The following LIN28B variants were observed in gnomAD, a reference collection of about 807,000 sequenced individuals.
LIN28B encodes the protein protein lin-28 homolog B.
LIN28B carries 5 observed loss-of-function variants against 21.9 expected under a neutral mutation model. The ratio of observed to expected loss-of-function variants is 0.23; its 90% CI spans 0.12 to 0.48. LIN28B has a LOEUF of 0.48. Ranked by LOEUF, LIN28B falls within the 20% of genes least tolerant of loss-of-function variation. The pLI is 0.98. For synonymous variants in LIN28B, 109 were observed against 111.3 expected, an observed-to-expected ratio of 0.98 and a Z score of 0.13; for missense variants, 245 against 310.5, an observed-to-expected ratio of 0.79 and a Z score of 1.58.
chr6:105,045,230 A>G (rs2114372950), intron 3 of LIN28B, among the ~76,000 whole-genome samples: 1 of 151,332 alleles, frequency 6.6e-6, no homozygotes, highest in East Asian at 1.9e-4. Flanking sequence ...ATATTTAATA[A>G]TAATAACTAT....
rs1554188156 is a variant in LIN28B at position 105,023,226 on chromosome 6, T to TAA, written c.199-3071_199-3070dup. Among the ~76,000 whole-genome samples, 666 of 96,396 alleles carry TAA rather than the reference T, an allele frequency of 6.9e-3. 21 individuals carry two copies. The highest frequency in any genetic ancestry group is 0.027 in the African/African-American group (637 of 23,610). 63.2% of individuals were successfully genotyped at this position (96,396 alleles called of 152,430 possible). A position where few individuals can be genotyped will look rare whatever the true frequency, so the allele number is the denominator to read the frequency against. On this transcript the variant is annotated intron_variant, in intron 2 of 3. Coordinates refer to ENST00000345080, the MANE Select transcript of LIN28B (RefSeq NM_001004317.4). ...TTTCTTATGGATATATATATATATA[T>TAA]AATATATATTATATTATATATTATT...
chr6:105,009,111 A>C (rs1030048209), intron 2 of LIN28B, among the ~76,000 whole-genome samples: 4 of 152,176 alleles, frequency 2.6e-5, no homozygotes, highest in Non-Finnish European at 4.4e-5. Context: ...TTAATGATTG[A>C]GAAATACAGA....
At chr6:105,041,208 A>G (rs1228719829) in intron 3 of LIN28B, among the ~76,000 whole-genome samples, 1 of 152,056 alleles carries the variant, frequency 6.6e-6, no homozygotes, top group African/African-American at 2.4e-5. Flanking sequence ...CACCACACCT[A>G]GCCTGCAATT....
rs553541584 is a variant in LIN28B at position 105,059,560 on chromosome 6, G to A, written c.384-18854G>A. Among the ~76,000 whole-genome samples, 119 of 152,158 alleles carry A rather than the reference G, an allele frequency of 7.8e-4. 1 individual carries two copies. The highest frequency in any genetic ancestry group is 2.9e-3 in the Admixed American group (45 of 15,280). On this transcript the variant is annotated intron_variant, in intron 3 of 3. Coordinates refer to ENST00000345080, the MANE Select transcript of LIN28B (RefSeq NM_001004317.4). ...ACTATTTTATTGAAAAATCATTATA[G>A]TGGTAAGTGAAGCTTAGTAAGATTT...
chr6:105,063,585 G>T (rs990130088), intron 3 of LIN28B, among the ~76,000 whole-genome samples: 4 of 145,700 alleles, frequency 2.7e-5, no homozygotes, highest in Non-Finnish European at 1.5e-5. Context: ...GCAGTGAGCC[G>T]AGATTGCGCC....
At chr6:105,008,690 G>C (rs1041941799) in intron 2 of LIN28B, among the ~76,000 whole-genome samples, 18 of 150,032 alleles carry the variant, frequency 1.2e-4, no homozygotes, top group Admixed American at 4.0e-4. Flanking sequence ...CATAATGTTT[G>C]CTTGCTGTTG....
chr6:104,973,951 A>AT (rs1221496260), intron 2 of LIN28B, among the ~76,000 whole-genome samples: 2 of 152,206 alleles, frequency 1.3e-5, no homozygotes, highest in African/African-American at 4.8e-5. Flanking sequence ...ACTTATTGAT[A>AT]TTACCTGAAT....
chr6:104,965,355 G>A (rs1320669112), intron 2 of LIN28B, among the ~76,000 whole-genome samples: 6 of 151,990 alleles, frequency 3.9e-5, no homozygotes, highest in African/African-American at 7.2e-5. Flanking sequence ...GCAAAACTCC[G>A]TCCCTACCAA....
intron 2 of LIN28B, among the ~76,000 whole-genome samples, chr6:105,009,551 T>C (rs1338755776): frequency 6.6e-6 from 1 of 152,152 alleles, no homozygotes; most frequent in Non-Finnish European, 1.5e-5. Context: ...TCCTAATTTT[T>C]CTCAGCTCTA....
chr6:105,057,332 A>G (rs1270066507), intron 3 of LIN28B, among the ~76,000 whole-genome samples: 1 of 152,212 alleles, frequency 6.6e-6, no homozygotes, highest in Non-Finnish European at 1.5e-5. Flanking sequence ...TTGAATTAAA[A>G]TATATGTGGC....
intron 2 of LIN28B, among the ~76,000 whole-genome samples, chr6:104,984,210 A>C (rs906916494): frequency 1.3e-5 from 2 of 152,250 alleles, no homozygotes; most frequent in African/African-American, 4.8e-5. Flanking sequence ...GCGTTTAAAA[A>C]AATAGGTGAT....
chr6:104,941,571 G>A (rs1417876408), intron 2 of LIN28B: 5 of 150,256 alleles, frequency 3.3e-5, no homozygotes, highest in Non-Finnish European at 6.0e-5. Context: ...GACGCACGGG[G>A]CCGCGCCGCC....
At chr6:104,952,543 T>A (rs191662172), upstream of LIN28B, among the ~76,000 whole-genome samples, 256 of 152,286 alleles carry the variant, frequency 1.7e-3, 1 homozygote, top group Non-Finnish European at 2.4e-3. Context: ...GTATAATTTT[T>A]AAAAAAAGTT....
chr6:105,056,610 C>G (rs1358046050), intron 3 of LIN28B, among the ~76,000 whole-genome samples: 1 of 152,154 alleles, frequency 6.6e-6, no homozygotes, highest in Admixed American at 6.5e-5. Flanking sequence ...TTGCTTATCT[C>G]TCTGCCAAAC....
At chr6:104,938,299 A>G (rs1387322048) in intron 2 of LIN28B, among the ~76,000 whole-genome samples, 1 of 152,028 alleles carries the variant, frequency 6.6e-6, no homozygotes, top group Non-Finnish European at 1.5e-5. Flanking sequence ...GGTCCCAGGT[A>G]GAGGGATTCA....
At position 105,080,314 on chromosome 6, in the gene LIN28B, T is replaced by G. The variant is rs984640813; in HGVS notation, c.*1531T>G. ...TAGTGCTTAATATTGGGAATAAGAT[T>G]AAGCATTATAATTATAATGTATGGG... On this transcript the variant is annotated 3_prime_UTR_variant, in exon 4 of 4. Coordinates refer to ENST00000345080, the MANE Select transcript of LIN28B (RefSeq NM_001004317.4). The G allele has an allele frequency of 6.6e-6, 1 of 152,616 alleles. No homozygotes were observed. Among genetic ancestry groups the G allele is most frequent in the African/African-American group, 2.4e-5 (1 of 41,444 alleles). The allele number at this position is 152,616 out of a possible 1,614,324, so 9.5% of individuals were successfully genotyped here. A position where few individuals can be genotyped will look rare whatever the true frequency, so the allele number is the denominator to read the frequency against.
intron 2 of LIN28B, among the ~76,000 whole-genome samples, chr6:104,945,006 C>A (rs923816773): frequency 6.6e-6 from 1 of 152,090 alleles, no homozygotes; most frequent in African/African-American, 2.4e-5. Flanking sequence ...ATTTATTTTA[C>A]AGACTTACTT....
chr6:104,983,439 A>G (rs753277400), intron 2 of LIN28B, among the ~76,000 whole-genome samples: 13 of 152,248 alleles, frequency 8.5e-5, no homozygotes, highest in Non-Finnish European at 1.6e-4. Context: ...GGCCAGTAGC[A>G]CCTGGCTGCC....
intron 3 of LIN28B, among the ~76,000 whole-genome samples, chr6:105,065,631 G>T (rs1404043728): frequency 6.6e-6 from 1 of 152,206 alleles, no homozygotes; most frequent in African/African-American, 2.4e-5. Context: ...TTTCTGACTT[G>T]AGCAAAATGG....
Sources: gnomAD v4.1 joint callset for allele counts (sites outside exome capture counted in the v4.1 genomes callset) on GRCh38, gnomAD v4.1.1 for gene constraint, MANE v1.5 for transcripts, NCBI Gene and HGNC (gene_info 2026-07-23, HGNC 2026-07-21) for gene names.